Variants in EPS15L1 observed in about 807,000 individuals in gnomAD.
The protein encoded by EPS15L1 is epidermal growth factor receptor substrate 15-like 1.
In EPS15L1, 43 loss-of-function variants were observed where a neutral mutation model predicts 117.1. That is an observed-to-expected ratio of 0.37 (90% CI 0.29 to 0.47). EPS15L1 has a LOEUF of 0.47. Among genes scored for constraint, EPS15L1 ranks in the 20% least tolerant of loss-of-function variants. EPS15L1 has a pLI of 0.99. For synonymous variants in EPS15L1, 459 were observed against 470.5 expected, an observed-to-expected ratio of 0.98 and a Z score of 0.32; for missense variants, 981 against 1,164.0, an observed-to-expected ratio of 0.84 and a Z score of 2.29.
intron 19 of EPS15L1, among the ~76,000 whole-genome samples, chr19:16,389,384 G>A (rs948517209): frequency 6.6e-6 from 1 of 152,182 alleles, no homozygotes; most frequent in African/African-American, 2.4e-5. Flanking sequence ...AGCCCAGGAG[G>A]TTGAGGTTGC....
At position 16,471,029 on chromosome 19, in the gene EPS15L1, C is replaced by T. The variant is rs867310760; in HGVS notation, c.33+884G>A. ...CAAGATTTGAACACATGATCTGACC[C>T]TGTGTCCTCACTCTTAATCACCATG... On this transcript the variant is annotated intron_variant, in intron 1 of 23. Transcript: ENST00000455140. This position sits in a 1 kb window ranked among gnomAD's most constrained non-coding sequence, Gnocchi z 4.8. Among the ~76,000 whole-genome samples the T allele has an allele frequency of 6.6e-6, 1 of 152,220 alleles. No individual in the cohort carries two copies. The highest frequency in any genetic ancestry group is 1.9e-4 in the East Asian group (1 of 5,196).
intron 1 of EPS15L1, among the ~76,000 whole-genome samples, chr19:16,459,204 T>C (rs1171915463): frequency 6.6e-6 from 1 of 152,240 alleles, no homozygotes; most frequent in East Asian, 1.9e-4. Flanking sequence ...GCATTCCCTA[T>C]GCTTGGGGCC....
chr19:16,457,402 GC>G (rs1047955564), intron 1 of EPS15L1, among the ~76,000 whole-genome samples: 2 of 152,110 alleles, frequency 1.3e-5, no homozygotes, highest in African/African-American at 2.4e-5. Flanking sequence ...GACCTGGAAG[GC>G]CCCCCCTCCA....
intron 3 of EPS15L1, 65 bp downstream of exon 3, chr19:16,441,827 C>G (rs1306169871): frequency 6.6e-6 from 9 of 1,361,200 alleles, no homozygotes; most frequent in Non-Finnish European, 9.3e-6. Context: ...ACAGGCTGGC[C>G]CTGACCTGCG....
intron 16 of EPS15L1, 37 bp downstream of exon 16, chr19:16,402,284 A>G (rs566042620): frequency 3.5e-5 from 54 of 1,557,460 alleles, no homozygotes; most frequent in Admixed American, 1.9e-4. Context: ...CCAGGGGACC[A>G]GAGCCCCATA....
intron 18 of EPS15L1, among the ~76,000 whole-genome samples, chr19:16,393,109 T>C (rs1168889769): frequency 2.1e-5 from 3 of 144,948 alleles, no homozygotes; most frequent in Non-Finnish European, 4.6e-5. Flanking sequence ...ATAATAATAA[T>C]AATAATAATA....
chr19:16,392,605 TGGAG>T (rs902459606), intron 18 of EPS15L1, among the ~76,000 whole-genome samples, 165 bp from the exon 19 acceptor site: 1 of 151,878 alleles, frequency 6.6e-6, no homozygotes, highest in Non-Finnish European at 1.5e-5. Context: ...GAGGAGAGGG[TGGAG>T]GGTGACAACA....
At chr19:16,465,727 C>A (rs2093298536) in intron 1 of EPS15L1, among the ~76,000 whole-genome samples, 1 of 152,144 alleles carries the variant, frequency 6.6e-6, no homozygotes, top group South Asian at 2.1e-4. Flanking sequence ...ATGTCCCTCT[C>A]TACCTTTTAA....
Position 16,433,383 on chromosome 19 carries a change from C to A in EPS15L1, c.498+982G>T, listed in dbSNP as rs149092629. On this transcript the variant is annotated intron_variant, in intron 7 of 23. Coordinates refer to ENST00000455140, the MANE Select transcript of EPS15L1 (RefSeq NM_001258374.3). ...CTGACCTCAAGTTATCCACCCACCT[C>A]GGCCTCCCAAAGTGCTGGGATTACG... Among the ~76,000 whole-genome samples the A allele has an allele frequency of 9.7e-4, 148 of 152,172 alleles. 3 individuals carry two copies. In the East Asian group the frequency reaches 0.027, roughly 28 times the overall value.
intron 7 of EPS15L1, among the ~76,000 whole-genome samples, chr19:16,433,048 T>G (rs1319010939): frequency 6.6e-6 from 1 of 151,950 alleles, no homozygotes; most frequent in Admixed American, 6.6e-5. Flanking sequence ...TGGACTCAAG[T>G]AATCTGCCCG....
At position 16,377,201 on chromosome 19, in the gene EPS15L1, A is replaced by C. The variant is rs772418301; in HGVS notation, c.2301T>G (p.Asp767Glu). The C allele has an allele frequency of 1.9e-6, 3 of 1,613,134 alleles. No homozygotes were observed. In the Admixed American group the frequency reaches 5.0e-5, roughly 27 times the overall value. The change falls in exon 22 of 24, where the codon GAT becomes GAG. Residue 767 changes from aspartate (D) to glutamate (E), a missense_variant. Transcript: ENST00000455140. ...TGTCCTGTTTACTTTTAAAGGGGTC[A>C]TCTGAGAATCCTGCCCCTCCCAAGG... Reference protein sequence around the residue: ...TSSLGGAGFSDDPFKSKQDTP... With the variant: ...TSSLGGAGFSEDPFKSKQDTP...
At chr19:16,464,546 G>A (rs2093282252) in intron 1 of EPS15L1, among the ~76,000 whole-genome samples, 2 of 152,148 alleles carry the variant, frequency 1.3e-5, no homozygotes, top group South Asian at 2.1e-4. Context: ...TTAAAGGAAG[G>A]ACATGAACCC....
chr19:16,394,932 C>T (rs931568715), intron 17 of EPS15L1, among the ~76,000 whole-genome samples: 8 of 152,054 alleles, frequency 5.3e-5, no homozygotes, highest in East Asian at 1.9e-4. Context: ...GCTTAAAAGG[C>T]GTTCCTGCTG....
intron 22 of EPS15L1, among the ~76,000 whole-genome samples, chr19:16,373,908 TACCTACC>T (rs2092259393): frequency 6.6e-6 from 1 of 152,232 alleles, no homozygotes; most frequent in Non-Finnish European, 1.5e-5. Context: ...ACACGGTCTG[TACCTACC>T]ACCCAGCAGC....
rs188529441 is a variant in EPS15L1 at position 16,388,418 on chromosome 19, A to G, written c.2104-2187T>C. ...GCAAAGCCTAAACAGTATAAACACC[A>G]AGAAAACTACACCCAGAAACTTCAA... On this transcript the variant is annotated intron_variant, in intron 19 of 23. Coordinates refer to ENST00000455140, the MANE Select transcript of EPS15L1 (RefSeq NM_001258374.3). Among the ~76,000 whole-genome samples the G allele has an allele frequency of 1.5e-4, 23 of 152,342 alleles. No individual in the cohort carries two copies. In the East Asian group the frequency reaches 3.3e-3, roughly 22 times the overall value.
chr19:16,400,763 C>T, intron 16 of EPS15L1: 1 of 985,382 alleles, frequency 1.0e-6, no homozygotes. Flanking sequence ...CTTTGCCCTG[C>T]CCAAAAGATG....
chr19:16,465,342 G>A (rs564305611), intron 1 of EPS15L1, among the ~76,000 whole-genome samples: 1 of 152,148 alleles, frequency 6.6e-6, no homozygotes, highest in East Asian at 1.9e-4. Context: ...ATTCTGCATG[G>A]GCCAGGAGCA....
At chr19:16,469,389 G>A (rs146292305) in intron 1 of EPS15L1, among the ~76,000 whole-genome samples, 58 of 152,184 alleles carry the variant, frequency 3.8e-4, no homozygotes, top group African/African-American at 1.3e-3. Flanking sequence ...GGTTAAGGAC[G>A]GAGGGGCCAC....
intron 21 of EPS15L1, among the ~76,000 whole-genome samples, chr19:16,379,918 C>T (rs2092341695): frequency 6.6e-6 from 1 of 152,172 alleles, no homozygotes; most frequent in East Asian, 1.9e-4. Flanking sequence ...CACCTAGTCA[C>T]ACAGACACGG....
Sources: allele counts gnomAD v4.1 joint callset (sites outside exome capture counted in the v4.1 genomes callset), GRCh38; gene constraint gnomAD v4.1.1; non-coding constraint Gnocchi (gnomAD v3.1); transcripts MANE v1.5; gene names NCBI Gene and HGNC (gene_info 2026-07-23, HGNC 2026-07-21).